STK32B: variants seen among roughly 807,000 people sequenced by gnomAD.
STK32B encodes serine/threonine-protein kinase 32B.
In STK32B, 43 loss-of-function variants were observed where a neutral mutation model predicts 52.6. That is an observed-to-expected ratio of 0.82 (90% CI 0.64 to 1.05). STK32B has a LOEUF of 1.05. STK32B is among the 50% of genes least tolerant of loss of function. The pLI is 0.00. For synonymous variants in STK32B, 238 were observed against 204.3 expected (o/e 1.17, Z -1.41); for missense variants, 621 against 534.6 (o/e 1.16, Z -1.59).
At chr4:5,244,057 C>T (rs1577236224) in intron 3 of STK32B, among the ~76,000 whole-genome samples, 2 of 152,098 alleles carry the variant, frequency 1.3e-5, no homozygotes, top group East Asian at 1.9e-4. Context: ...GGTTGTGTCT[C>T]TGCTCAGCTT....
At chr4:5,392,309 C>T (rs1364157633) in intron 4 of STK32B, among the ~76,000 whole-genome samples, 1 of 152,034 alleles carries the variant, frequency 6.6e-6, no homozygotes, top group East Asian at 1.9e-4. Flanking sequence ...GCCTGTAATC[C>T]CAGCTACTTG....
intron 4 of STK32B, among the ~76,000 whole-genome samples, chr4:5,351,935 T>C (rs1271786909): frequency 6.6e-6 from 1 of 152,004 alleles, no homozygotes; most frequent in East Asian, 1.9e-4. Flanking sequence ...CAACAGCAAG[T>C]AATGATATTG....
At chr4:5,458,594 GA>G (rs1377622255) in intron 8 of STK32B, 1 of 152,160 alleles carries the variant, frequency 6.6e-6, no homozygotes, top group Non-Finnish European at 1.5e-5. Flanking sequence ...ATGGCTTGTT[GA>G]ATTATTAATC....
intron 4 of STK32B, among the ~76,000 whole-genome samples, chr4:5,364,144 A>T (rs1296661978): frequency 6.6e-6 from 1 of 152,168 alleles, no homozygotes; most frequent in Non-Finnish European, 1.5e-5. Flanking sequence ...TGTCATTCAA[A>T]TCCTTCAAGA....
At chr4:5,022,709 A>G in the STK32B span, among the ~76,000 whole-genome samples, 1 of 152,220 alleles carries the variant, frequency 6.6e-6, no homozygotes, top group East Asian at 1.9e-4. Flanking sequence ...TCTCTGAGGT[A>G]GATATCGGCC....
chr4:5,046,107 C>T, the STK32B span, among the ~76,000 whole-genome samples: 1 of 152,200 alleles, frequency 6.6e-6, no homozygotes, highest in Admixed American at 6.5e-5. Flanking sequence ...TACCTGACTT[C>T]AAACTATACT....
intron 6 of STK32B, among the ~76,000 whole-genome samples, chr4:5,418,821 A>G (rs1275837650): frequency 1.3e-5 from 2 of 152,188 alleles, no homozygotes; most frequent in Non-Finnish European, 2.9e-5. Flanking sequence ...GACCGCATAA[A>G]CAGTGCCTAA....
At chr4:5,198,776 C>G (rs1223731249) in intron 3 of STK32B, among the ~76,000 whole-genome samples, 1 of 152,192 alleles carries the variant, frequency 6.6e-6, no homozygotes, top group African/African-American at 2.4e-5. Context: ...CCTTCATGCT[C>G]TACTGCATCC....
At chr4:5,047,268 C>T (rs1227577534), upstream of STK32B, among the ~76,000 whole-genome samples, 1 of 149,992 alleles carries the variant, frequency 6.7e-6, no homozygotes, top group African/African-American at 2.5e-5. Flanking sequence ...TGTTCTCACT[C>T]ATAAGTGGGA....
intron 3 of STK32B, among the ~76,000 whole-genome samples, chr4:5,196,902 A>G (rs1407695606): frequency 6.6e-6 from 1 of 152,120 alleles, no homozygotes; most frequent in African/African-American, 2.4e-5. Context: ...GTTGGTCATG[A>G]CCATCTGTGG....
At chr4:5,229,082 A>G (rs1448047864) in intron 3 of STK32B, among the ~76,000 whole-genome samples, 1 of 152,244 alleles carries the variant, frequency 6.6e-6, no homozygotes, top group Non-Finnish European at 1.5e-5. Context: ...TTGCTAAAAT[A>G]TACTAACAAA....
At chr4:5,435,457 C>G (rs924255822) in intron 6 of STK32B, among the ~76,000 whole-genome samples, 3 of 152,168 alleles carry the variant, frequency 2.0e-5, no homozygotes, top group African/African-American at 7.2e-5. Flanking sequence ...CTCGCTCCTT[C>G]CTCTGCAAGA....
intron 3 of STK32B, among the ~76,000 whole-genome samples, chr4:5,304,204 G>A (rs1356992513): frequency 2.0e-5 from 3 of 151,802 alleles, no homozygotes; most frequent in African/African-American, 2.4e-5. Context: ...GTTTTCTCTA[G>A]CTCTCTGAAA....
chr4:5,287,410 A>G (rs1224983155), intron 3 of STK32B, among the ~76,000 whole-genome samples: 1 of 152,090 alleles, frequency 6.6e-6, no homozygotes, highest in South Asian at 2.1e-4. Context: ...GGCCAATTGG[A>G]CACCCATTTT....
chr4:5,399,944 T>G lies in STK32B; in HGVS notation c.472+1700T>G, dbSNP rs926132364. The stretch of plus-strand genomic sequence containing the variant: ...CAGAGGCTGGTTCTGCTTAGCTGTC[T>G]GGAAAGCAGGGGTCTGGAAGGCTGG... On this transcript the variant is annotated intron_variant, in intron 5 of 11. Coordinates refer to ENST00000282908, the MANE Select transcript of STK32B (RefSeq NM_018401.3). The surrounding 1 kb of genome is among the most constrained non-coding windows in gnomAD (Gnocchi z 5.4). Among the ~76,000 whole-genome samples the G allele has an allele frequency of 5.9e-5, 9 of 151,996 alleles. No individual in the cohort carries two copies. Among genetic ancestry groups the G allele is most frequent in the Non-Finnish European group, 1.3e-4 (9 of 68,030 alleles).
At chr4:5,330,059 G>A (rs183043915) in intron 3 of STK32B, among the ~76,000 whole-genome samples, 30 of 152,272 alleles carry the variant, frequency 2.0e-4, no homozygotes, top group African/African-American at 6.7e-4. Context: ...ACACTGCAGC[G>A]AGTGAGAGTC....
intron 11 of STK32B, among the ~76,000 whole-genome samples, chr4:5,482,600 C>G (rs145662686): frequency 0.011 from 1,686 of 152,272 alleles, 33 homozygotes; most frequent in African/African-American, 0.038. Flanking sequence ...CCTGATTGCC[C>G]TGGCCAGAAC....
intron 3 of STK32B, among the ~76,000 whole-genome samples, chr4:5,239,690 A>C (rs903037546): frequency 1.3e-5 from 2 of 152,164 alleles, no homozygotes; most frequent in African/African-American, 4.8e-5. Context: ...AGAGACTCAG[A>C]GGCAAGTTTA....
At chr4:5,152,613 T>G (rs1717464158) in intron 2 of STK32B, among the ~76,000 whole-genome samples, 1 of 152,240 alleles carries the variant, frequency 6.6e-6, no homozygotes, top group Non-Finnish European at 1.5e-5. Flanking sequence ...GCAGAGTGTG[T>G]GTCTGGTGGC....
Sources: gnomAD v4.1 joint callset for allele counts (sites outside exome capture counted in the v4.1 genomes callset) on GRCh38, gnomAD v4.1.1 for gene constraint, Gnocchi (gnomAD v3.1) non-coding constraint, MANE v1.5 for transcripts, NCBI Gene and HGNC (gene_info 2026-07-23, HGNC 2026-07-21) for gene names.